The following GBF1 variants were observed in gnomAD, a reference collection of about 807,000 sequenced individuals.
The protein encoded by GBF1 is golgi brefeldin A resistant guanine nucleotide exchange factor 1.
A neutral mutation model predicts 210.5 loss-of-function variants in GBF1; 114 were observed. The observed-to-expected ratio is 0.54, with a 90% confidence interval of 0.47 to 0.63. The LOEUF is 0.63. GBF1 is among the 30% of genes least tolerant of loss of function. The pLI, the probability that GBF1 is intolerant of heterozygous loss-of-function variation, is 0.00. For synonymous variants in GBF1, 850 were observed against 889.2 expected (o/e 0.96, Z 0.78); for missense variants, 1,851 against 2,357.7 (o/e 0.79, Z 4.45).
intron 3 of GBF1, among the ~76,000 whole-genome samples, chr10:102,330,024 C>G (rs1433326791): frequency 6.6e-6 from 1 of 152,156 alleles, no homozygotes; most frequent in Non-Finnish European, 1.5e-5. Context: ...GTCTTAGCCA[C>G]TCAGGAGTCT....
chr10:102,370,406 A>T lies in GBF1; in HGVS notation c.3434A>T (p.Asp1145Val), dbSNP rs2060138909. The T allele has an allele frequency of 3.1e-6, 5 of 1,612,602 alleles. No individual in the cohort carries two copies. The East Asian group carries it at 1.1e-4, about 36-fold the overall frequency. The change falls in exon 28 of 40, where the codon GAT (aspartate) becomes GTT (valine). Residue 1145 changes from aspartate (D) to valine (V), a missense_variant. Around this residue, in one of 3 missense-constraint regions of GBF1, gnomAD observed 967 missense variants for 1,247.7 expected, o/e 0.78. Transcript: ENST00000369983. ...CAGGCTCTGGTCTCAGTGACACCAG[A>T]TGAAGAGACATATGATGAGGAAGAT... ...LMKALVSVTP[D>V]EETYDEEDAA...
At chr10:102,309,547 T>C (rs904852335) in intron 3 of GBF1, among the ~76,000 whole-genome samples, 1 of 152,240 alleles carries the variant, frequency 6.6e-6, no homozygotes, top group African/African-American at 2.4e-5. Context: ...GTTTGTGGCT[T>C]TTTAAAGCTT....
At chr10:102,234,854 C>A in the GBF1 span, among the ~76,000 whole-genome samples, 1 of 152,158 alleles carries the variant, frequency 6.6e-6, no homozygotes, top group Non-Finnish European at 1.5e-5. Flanking sequence ...CATTCCATAC[C>A]TGCATCTTGC....
chr10:102,380,455 ACTCCCCCCATG>A, intron 37 of GBF1, 40 bp from the exon 38 acceptor site: 1 of 1,588,024 alleles, frequency 6.3e-7, no homozygotes, highest in Admixed American at 1.7e-5. Flanking sequence ...CCTTTACCAT[ACTCCCCCCATG>A]CCCTCTTTCC....
At chr10:102,381,944 G>T (rs1224101643) in intron 39 of GBF1, 112 bp from the exon 40 acceptor site, 3 of 877,488 alleles carry the variant, frequency 3.4e-6, no homozygotes, top group Non-Finnish European at 5.0e-6. Context: ...GGGCCGTGTT[G>T]CTTACTGGAA....
chr10:102,293,771 G>GTTTTTTTTTTTT (rs56722082), intron 3 of GBF1, among the ~76,000 whole-genome samples: 6 of 22,894 alleles, frequency 2.6e-4, no homozygotes, highest in African/African-American at 8.6e-4. Flanking sequence ...TATGTTTTGT[G>GTTTTTTTTTTTT]TTTTTTTTTT....
At chr10:102,305,484 C>A (rs983325978) in intron 3 of GBF1, among the ~76,000 whole-genome samples, 5 of 151,970 alleles carry the variant, frequency 3.3e-5, no homozygotes, top group African/African-American at 1.2e-4. Flanking sequence ...ATGGCACGTG[C>A]CTGTAGTCCC....
intron 3 of GBF1, among the ~76,000 whole-genome samples, chr10:102,302,048 C>A (rs910656272): frequency 6.6e-5 from 10 of 152,322 alleles, no homozygotes; most frequent in Admixed American, 1.3e-4. Flanking sequence ...AGATCACTCG[C>A]GGTTAGGAGC....
At chr10:102,240,948 C>T (rs2070519557), upstream of GBF1, among the ~76,000 whole-genome samples, 1 of 152,308 alleles carries the variant, frequency 6.6e-6, no homozygotes, top group Non-Finnish European at 1.5e-5. Flanking sequence ...CTGGGGGCCG[C>T]CCCGCCAGCT....
In GBF1 at chr10:102,363,187, G is replaced by T; in HGVS notation, c.1877-69G>T. 7.0e-7 allele frequency: 1 copy of T among 1,424,894 alleles called. No homozygotes were observed. 88.3% of individuals were successfully genotyped at this position (1,424,894 alleles called of 1,614,324 possible). ...TGCAGGTCTTCTGGGCTTGGGATTT[G>T]ATCTATCCTGCAGCTCTGCTTGGCT... On this transcript the variant is annotated intron_variant, in intron 15 of 39. Coordinates refer to ENST00000369983, the MANE Select transcript of GBF1 (RefSeq NM_001377137.1). The surrounding 1 kb of genome is among the most constrained non-coding windows in gnomAD (Gnocchi z 4.2).
At chr10:102,324,608 A>T (rs1461199025) in intron 3 of GBF1, among the ~76,000 whole-genome samples, 1 of 151,886 alleles carries the variant, frequency 6.6e-6, no homozygotes, top group African/African-American at 2.4e-5. Flanking sequence ...TTTATTTGAG[A>T]CGGAGTTTCG....
In GBF1 at chr10:102,382,289, G is replaced by C. The variant is rs767571377; in HGVS notation, c.5536G>C (p.Ala1846Pro). Reference sequence around the variant, plus strand: ...GGCCACCTCACCAGTGCCCCTCCTGGCCACACCCCGCCCCACAGATCCCAT... The same window carrying C: ...GGCCACCTCACCAGTGCCCCTCCTGCCCACACCCCGCCCCACAGATCCCAT... Reference protein sequence around the residue: ...IEATSPVPLLATPRPTDPIPT... With the variant: ...IEATSPVPLLPTPRPTDPIPT... The change falls in exon 40 of 40, where the codon GCC becomes CCC. Residue 1846 changes from alanine to proline, a missense_variant. Ala to Pro is a conservative substitution (Grantham distance 27, BLOSUM62 -1). Transcript: ENST00000369983. 5.0e-6 allele frequency: 8 copies of C among 1,613,650 alleles called. No homozygotes were observed. In the South Asian group the frequency reaches 5.5e-5, roughly 11 times the overall value.
At chr10:102,297,818 C>G (rs1056911022) in intron 3 of GBF1, among the ~76,000 whole-genome samples, 9 of 152,034 alleles carry the variant, frequency 5.9e-5, no homozygotes, top group African/African-American at 1.7e-4. Context: ...AAAACTCAGG[C>G]CTTTTATAGA....
chr10:102,293,771 G>GTTTTTTTTTTTTTTTTTT (rs56722082), intron 3 of GBF1, among the ~76,000 whole-genome samples: 5 of 22,898 alleles, frequency 2.2e-4, no homozygotes, highest in African/African-American at 1.1e-3. Context: ...TATGTTTTGT[G>GTTTTTTTTTTTTTTTTTT]TTTTTTTTTT....
chr10:102,305,591 C>T (rs1343120555), intron 3 of GBF1, among the ~76,000 whole-genome samples: 1 of 151,514 alleles, frequency 6.6e-6, no homozygotes, highest in South Asian at 2.1e-4. Context: ...GGCTGGGCAA[C>T]AGAGCAAGAC....
rs1457469082 is a variant in GBF1 at position 102,370,168 on chromosome 10, CTCTAGCAA to C, written c.3340-4_3343del. On this transcript the variant is annotated splice_acceptor_variant and splice_polypyrimidine_tract_variant and coding_sequence_variant and intron_variant, in exon 27 of 40. Coordinates refer to ENST00000369983, the MANE Select transcript of GBF1 (RefSeq NM_001377137.1). LOFTEE classifies it high-confidence loss of function. ...AAAGACCCCCTCTCTCTTTTGCCCT[CTCTAGCAA>C]TGTGACCCAGAAAAAATGATCACAG... 1 of 1,608,212 alleles carries C rather than the reference CTCTAGCAA, an allele frequency of 6.2e-7. No individual in the cohort carries two copies. Among genetic ancestry groups the C allele is most frequent in the East Asian group, 2.2e-5 (1 of 44,862 alleles).
intron 4 of GBF1, among the ~76,000 whole-genome samples, chr10:102,348,914 C>T (rs1214163716): frequency 6.6e-6 from 1 of 152,080 alleles, no homozygotes; most frequent in Non-Finnish European, 1.5e-5. Context: ...CTTTGGGGGT[C>T]CAGGCAGGCA....
intron 21 of GBF1, 137 bp from the exon 22 acceptor site, chr10:102,368,081 G>A (rs764137113): frequency 8.7e-6 from 6 of 691,930 alleles, no homozygotes; most frequent in Non-Finnish European, 1.6e-5. Flanking sequence ...ACTGGTGGGT[G>A]GAAAGCAGAC....
At chr10:102,314,623 T>G (rs190097628) in intron 3 of GBF1, among the ~76,000 whole-genome samples, 2 of 152,330 alleles carry the variant, frequency 1.3e-5, no homozygotes, top group East Asian at 3.9e-4. Context: ...TCTCCTGGCT[T>G]CAAGGCTTGA....
Sources: allele counts gnomAD v4.1 joint callset (sites outside exome capture counted in the v4.1 genomes callset), GRCh38; gene constraint gnomAD v4.1.1; regional missense constraint gnomAD v4.1.1; non-coding constraint Gnocchi (gnomAD v3.1); transcripts MANE v1.5; gene names NCBI Gene and HGNC (gene_info 2026-07-23, HGNC 2026-07-21).